The following STRN variants were observed in gnomAD, a reference collection of about 807,000 sequenced individuals.
STRN encodes striatin, also known as protein phosphatase 2 regulatory subunit B'''alpha.
STRN carries 53 observed loss-of-function variants against 96.3 expected under a neutral mutation model. That is an observed-to-expected ratio of 0.55 (90% CI 0.44 to 0.69). STRN has a LOEUF of 0.69. Among genes scored for constraint, STRN ranks in the 30% least tolerant of loss-of-function variants. STRN has a pLI of 0.00. For synonymous variants in STRN, 428 were observed against 355.9 expected (o/e 1.20, Z -2.28); for missense variants, 987 against 963.9 (o/e 1.02, Z -0.32).
At position 36,841,389 on chromosome 2, in the gene STRN, G is replaced by C. The variant is rs932618881; in HGVS notation, c.*8067C>G. ...ATTCTTACATAGCAGTTGAGTACTG[G>C]GAAGGTTGTTGGGGAGGGTATTATT... On this transcript the variant is annotated 3_prime_UTR_variant, in exon 18 of 18. Transcript: ENST00000263918. 2 of 151,964 alleles carry C rather than the reference G, an allele frequency of 1.3e-5. No homozygotes were observed. Among genetic ancestry groups the C allele is most frequent in the African/African-American group, 4.8e-5 (2 of 41,364 alleles). 9.4% of individuals were successfully genotyped at this position (151,964 alleles called of 1,614,324 possible).
chr2:36,948,165 G>C (rs974631947), intron 1 of STRN, among the ~76,000 whole-genome samples: 2 of 125,512 alleles, frequency 1.6e-5, no homozygotes, highest in Non-Finnish European at 3.2e-5. Context: ...AAAGTGATGT[G>C]ATCTGGGCTC....
At chr2:36,868,339 A>G in intron 11 of STRN, among the ~76,000 whole-genome samples, 1 of 152,348 alleles carries the variant, frequency 6.6e-6, no homozygotes, top group African/African-American at 2.4e-5. Context: ...TCATGCACAT[A>G]GTAGGATATC....
rs1368696296 is a variant in STRN, at chr2:36,861,249, G to C, written c.1552C>G (p.Pro518Ala). 7 of 1,611,022 alleles carry C rather than the reference G, an allele frequency of 4.3e-6. No individual in the cohort carries two copies. Among genetic ancestry groups the C allele is most frequent in the Non-Finnish European group, 5.9e-6 (7 of 1,179,192 alleles). The part of the protein sequence containing the change: ...PIYTFRAHKG[P>A]VLCVVMSSNG... ...CTGCTCATTACCACACAAAGCACTG[G>C]ACCTCTGGGAGATTAAAAAAAATAA... is the stretch of plus-strand genomic sequence containing the variant. Residue 518 changes from proline (P) to alanine (A), a missense_variant, in exon 13 of 18, where the codon CCA becomes GCA. Physicochemically the swap from Pro to Ala is conservative, Grantham distance 27. Transcript: ENST00000263918.
At position 36,847,856 on chromosome 2, in the gene STRN, G is replaced by T. The variant is rs1307618998; in HGVS notation, c.*1600C>A. 6.6e-6 allele frequency: 1 copy of T among 152,118 alleles called. No homozygotes were observed. The highest frequency in any genetic ancestry group is 1.9e-4 in the East Asian group (1 of 5,198). 9.4% of individuals were successfully genotyped at this position (152,118 alleles called of 1,614,324 possible). A position where few individuals can be genotyped will look rare whatever the true frequency, so the allele number is the denominator to read the frequency against. The stretch of plus-strand genomic sequence containing the variant: ...ATGACGATGGAAAATGTGGGGAATG[G>T]AATATGTAGAAATTGTTTTAATTGG... On this transcript the variant is annotated 3_prime_UTR_variant, in exon 18 of 18. Transcript: ENST00000263918.
chr2:36,872,632 G>A (rs149135289), intron 10 of STRN, among the ~76,000 whole-genome samples: 6 of 152,260 alleles, frequency 3.9e-5, no homozygotes, highest in Admixed American at 6.5e-5. Context: ...GAAACCGAGC[G>A]ACAGACCTAA....
chr2:36,923,419 C>T lies in STRN; in HGVS notation c.338+1686G>A, dbSNP rs143709005. 7.0e-4 allele frequency among the ~76,000 whole-genome samples: 104 copies of T among 148,580 alleles called. 1 individual carries two copies. Among genetic ancestry groups the T allele is most frequent in the African/African-American group, 2.4e-3 (95 of 39,836 alleles). ...TAAGCCGAGATCACACCACTGCACT[C>T]CAGCCTAGGCAACAAAGCAGGACTC... On this transcript the variant is annotated intron_variant, in intron 2 of 17. Transcript: ENST00000263918.
Position 36,934,103 on chromosome 2 carries a change from C to T in STRN, c.235-8895G>A, listed in dbSNP as rs533911965. 3.7e-4 allele frequency among the ~76,000 whole-genome samples: 56 copies of T among 151,864 alleles called. No homozygotes were observed. In the Middle Eastern group the frequency reaches 0.01, roughly 28 times the overall value. ...CAGCCTGGGTGACAGAGGGAGACTC[C>T]GTCTCGAAAGAAAAAAGAAAAAAAA... On this transcript the variant is annotated intron_variant, in intron 1 of 17. Transcript: ENST00000263918.
chr2:36,924,693 T>G (rs1415049880), intron 2 of STRN, among the ~76,000 whole-genome samples: 1 of 152,188 alleles, frequency 6.6e-6, no homozygotes, highest in East Asian at 1.9e-4. Context: ...CAGATACACC[T>G]GAACTCAAGG....
chr2:36,884,123 A>G, intron 8 of STRN, 48 bp from the exon 9 acceptor site: 2 of 1,299,520 alleles, frequency 1.5e-6, no homozygotes, highest in Non-Finnish European at 2.0e-6. Flanking sequence ...GAGAAAAGAG[A>G]ATTATCCAAT....
chr2:36,920,405 G>C (rs1404935188), intron 2 of STRN, among the ~76,000 whole-genome samples: 1 of 151,274 alleles, frequency 6.6e-6, no homozygotes, highest in Non-Finnish European at 1.5e-5. Flanking sequence ...TTGGGAGGCC[G>C]AGGTGGGCAG....
rs1668003044 is a variant in STRN, at chr2:36,843,845, C to A, written c.*5611G>T. On this transcript the variant is annotated 3_prime_UTR_variant, in exon 18 of 18. Coordinates refer to ENST00000263918, the MANE Select transcript of STRN (RefSeq NM_003162.4). ...TAAAAACAAATAATACACTTAGAGC[C>A]ACCAAAGATGGATATCTTAATTAGC... is the stretch of plus-strand genomic sequence containing the variant. The A allele has an allele frequency of 6.6e-6, 1 of 152,144 alleles. No individual in the cohort carries two copies. The highest frequency in any genetic ancestry group is 2.1e-4 in the South Asian group (1 of 4,832). 9.4% of individuals were successfully genotyped at this position (152,144 alleles called of 1,614,324 possible). A position where few individuals can be genotyped will look rare whatever the true frequency, so the allele number is the denominator to read the frequency against.
intron 15 of STRN, among the ~76,000 whole-genome samples, chr2:36,854,793 C>G (rs183624675): frequency 1.6e-4 from 25 of 152,234 alleles, no homozygotes; most frequent in Middle Eastern, 6.8e-3. Flanking sequence ...TAAGAAGCTT[C>G]AGGTTTGGAA....
At chr2:36,850,117 C>A (rs188275172) in intron 16 of STRN, among the ~76,000 whole-genome samples, 2 of 152,286 alleles carry the variant, frequency 1.3e-5, no homozygotes, top group East Asian at 3.9e-4. Flanking sequence ...ACCTACTTTG[C>A]ATTCTTTAGC....
At chr2:36,941,806 GC>G (rs1670852398) in intron 1 of STRN, among the ~76,000 whole-genome samples, 1 of 151,500 alleles carries the variant, frequency 6.6e-6, no homozygotes, top group Admixed American at 6.6e-5. Context: ...CCCAACCTCG[GC>G]CTCCCAAAGT....
At chr2:36,957,744 CTTTTTTTTTTTTTT>C (rs1159531782) in intron 1 of STRN, among the ~76,000 whole-genome samples, 1 of 89,208 alleles carries the variant, frequency 1.1e-5, no homozygotes, top group South Asian at 4.5e-4. Context: ...TTCTTTTTGT[CTTTTTTTTTTTTTT>C]TTTTTTTTTT....
In STRN at chr2:36,861,154, G is replaced by T; in HGVS notation, c.1647C>A (p.Asn549Lys). The change falls in exon 13 of 18, where the codon AAC (asparagine) becomes AAA (lysine). Residue 549 changes from asparagine to lysine, a missense_variant. Asn to Lys is a moderately conservative substitution (Grantham distance 94, BLOSUM62 0). Transcript: ENST00000263918. Reference protein sequence around the residue: ...LIQGWNTTNPNIDPYDSYDPS... With the variant: ...LIQGWNTTNPKIDPYDSYDPS... ...TACCATAAGAATCATAGGGGTCGATGTTGGGATTAGTGGTATTCCAGCCCT... is the reference window on the plus strand; with the variant it reads ...TACCATAAGAATCATAGGGGTCGATTTTGGGATTAGTGGTATTCCAGCCCT... 6.2e-7 allele frequency: 1 copy of T among 1,613,988 alleles called. No individual in the cohort carries two copies. Among genetic ancestry groups the T allele is most frequent in the Non-Finnish European group, 8.5e-7 (1 of 1,179,962 alleles).
intron 7 of STRN, among the ~76,000 whole-genome samples, chr2:36,888,329 C>T (rs980936896): frequency 6.6e-6 from 1 of 152,150 alleles, no homozygotes; most frequent in Non-Finnish European, 1.5e-5. Context: ...AATAAAAGAT[C>T]GTGTCACCCT....
chr2:36,948,525 C>T (rs146159673), intron 1 of STRN, among the ~76,000 whole-genome samples: 138 of 152,224 alleles, frequency 9.1e-4, no homozygotes, highest in African/African-American at 3.0e-3. Flanking sequence ...ATTTTAACAT[C>T]ATTAACAACA....
chr2:36,957,919 T>C (rs1486104721), intron 1 of STRN, among the ~76,000 whole-genome samples: 1 of 137,378 alleles, frequency 7.3e-6, no homozygotes, highest in East Asian at 2.1e-4. Flanking sequence ...CCCAGCTAAT[T>C]TTTTTTTTTT....
Sources: gnomAD v4.1 joint callset for allele counts (sites outside exome capture counted in the v4.1 genomes callset) on GRCh38, gnomAD v4.1.1 for gene constraint, MANE v1.5 for transcripts, NCBI Gene and HGNC (gene_info 2026-07-23, HGNC 2026-07-21) for gene names.